PRKCZ: variants seen among roughly 807,000 people sequenced by gnomAD.
PRKCZ encodes protein kinase C zeta, also known as protein kinase C zeta type.
Under a neutral mutation model 79.5 loss-of-function variants are expected in PRKCZ, and 33 were observed. That is an observed-to-expected ratio of 0.41 (90% CI 0.31 to 0.55). The LOEUF (loss-of-function observed/expected upper bound fraction) is 0.55. PRKCZ is among the 20% of genes least tolerant of loss of function. PRKCZ has a pLI of 0.19. For synonymous variants in PRKCZ, 342 were observed against 320.9 expected, an observed-to-expected ratio of 1.07 and a Z score of -0.70; for missense variants, 578 against 813.5, an observed-to-expected ratio of 0.71 and a Z score of 3.52.
intron 10 of PRKCZ, 113 bp downstream of exon 10, chr1:2,156,205 G>A (rs887993473): frequency 3.0e-6 from 3 of 1,002,666 alleles, no homozygotes; most frequent in African/African-American, 1.6e-5. Context: ...CCCAGTTGCT[G>A]TACGGGTGTT....
chr1:2,071,613 A>G (rs540964665), intron 4 of PRKCZ: 2 of 198,040 alleles, frequency 1.0e-5, no homozygotes, highest in Admixed American at 1.2e-4. Flanking sequence ...TAAAATTGGC[A>G]ATTTGCCTGC....
intron 6 of PRKCZ, chr1:2,145,080 CAG>C (rs1678220512): frequency 6.6e-6 from 1 of 152,326 alleles, no homozygotes; most frequent in African/African-American, 2.4e-5. Context: ...GAGTCTGGAT[CAG>C]GGTGTCACCC....
At chr1:2,135,084 C>A (rs899289522) in intron 4 of PRKCZ, 178 bp from the exon 5 acceptor site, 6 of 547,624 alleles carry the variant, frequency 1.1e-5, no homozygotes, top group Non-Finnish European at 2.0e-5. Flanking sequence ...CCATGAGGAT[C>A]ATGTGAGGAG....
chr1:2,146,255 G>A, intron 7 of PRKCZ, 147 bp downstream of exon 7: 1 of 757,504 alleles, frequency 1.3e-6, no homozygotes, highest in Non-Finnish European at 2.2e-6. Flanking sequence ...CCTGGGGCTG[G>A]GGATGAGGCT....
chr1:2,084,339 G>A (rs1273798817), intron 4 of PRKCZ, among the ~76,000 whole-genome samples: 1 of 152,194 alleles, frequency 6.6e-6, no homozygotes, highest in Non-Finnish European at 1.5e-5. Context: ...TTCCCCCCAC[G>A]CTCATGAGGG....
In PRKCZ at chr1:2,127,262, A is replaced by T. The variant is rs1253935866; in HGVS notation, c.335-8000A>T. On this transcript the variant is annotated intron_variant, in intron 4 of 17. Coordinates refer to ENST00000378567, the MANE Select transcript of PRKCZ (RefSeq NM_002744.6). This position sits in a 1 kb window ranked among gnomAD's most constrained non-coding sequence, Gnocchi z 5.1. ...GTGACTTTAGTGTTATTCTTCAGTC[A>T]CCTTTAAAAGCATAGCATGTTTTCA... 1.3e-5 allele frequency among the ~76,000 whole-genome samples: 2 copies of T among 152,170 alleles called. No individual in the cohort carries two copies. The highest frequency in any genetic ancestry group is 2.4e-5 in the African/African-American group (1 of 41,436).
At chr1:2,050,941 GCTC>G (rs981779481) in intron 1 of PRKCZ, 7 of 371,982 alleles carry the variant, frequency 1.9e-5, no homozygotes, top group Non-Finnish European at 3.3e-5. Context: ...CGCGCCGCGA[GCTC>G]CTCGGCCCGG....
intron 6 of PRKCZ, among the ~76,000 whole-genome samples, chr1:2,145,683 G>T (rs1040128724): frequency 6.6e-6 from 1 of 152,174 alleles, no homozygotes; most frequent in Non-Finnish European, 1.5e-5. Context: ...GGAGGCCAAG[G>T]TGGGAAGATC....
intron 4 of PRKCZ, among the ~76,000 whole-genome samples, chr1:2,095,564 C>T (rs147636710): frequency 8.5e-5 from 13 of 152,160 alleles, no homozygotes; most frequent in African/African-American, 2.2e-4. Flanking sequence ...GGGGAGGATT[C>T]GCGCTTTGCG....
chr1:2,128,370 C>T lies in PRKCZ; in HGVS notation c.335-6892C>T, dbSNP rs954871835. Among the ~76,000 whole-genome samples the T allele has an allele frequency of 3.3e-5, 5 of 152,234 alleles. No homozygotes were observed. The East Asian group carries it at 5.8e-4, about 18-fold the overall frequency. ...GCCCCCTGACCTGCTGCCAGGGACT[C>T]GGCCCCTCCCTCACCGCCACCGCAC... is the stretch of plus-strand genomic sequence containing the variant. On this transcript the variant is annotated intron_variant, in intron 4 of 17. Coordinates refer to ENST00000378567, the MANE Select transcript of PRKCZ (RefSeq NM_002744.6). The surrounding 1 kb of genome is among the most constrained non-coding windows in gnomAD (Gnocchi z 6.5).
At position 2,094,266 on chromosome 1, in the gene PRKCZ, C is replaced by G. The variant is rs1443069295; in HGVS notation, c.334+34675C>G. 1.3e-5 allele frequency among the ~76,000 whole-genome samples: 2 copies of G among 152,156 alleles called. No homozygotes were observed. Among genetic ancestry groups the G allele is most frequent in the African/African-American group, 4.8e-5 (2 of 41,396 alleles). On this transcript the variant is annotated intron_variant, in intron 4 of 17. Coordinates refer to ENST00000378567, the MANE Select transcript of PRKCZ (RefSeq NM_002744.6). The surrounding 1 kb of genome is among the most constrained non-coding windows in gnomAD (Gnocchi z 7.3). ...TGCCAAGCCTGGTGACCCGAGGGTA[C>G]CCTCGGCCTCCCGGCCTGAACTCTT... is the stretch of plus-strand genomic sequence containing the variant.
chr1:2,122,826 C>T lies in PRKCZ; in HGVS notation c.335-12436C>T, dbSNP rs1379694445. Among the ~76,000 whole-genome samples the T allele has an allele frequency of 6.3e-4, 5 of 7,962 alleles. 2 individuals are homozygous for T. Among genetic ancestry groups the T allele is most frequent in the Non-Finnish European group, 8.9e-4 (4 of 4,480 alleles). The allele number at this position is 7,962 out of a possible 152,430, so 5.2% of individuals were successfully genotyped here. On this transcript the variant is annotated intron_variant, in intron 4 of 17. Transcript: ENST00000378567. Reference sequence around the variant, plus strand: ...TTAGGGTCGTGGCGGTGGTTAGGGTCGTGGCGGTGGTTAGGGTTGTGGTGG... The same window carrying T: ...TTAGGGTCGTGGCGGTGGTTAGGGTTGTGGCGGTGGTTAGGGTTGTGGTGG...
chr1:2,135,387 T>A, intron 5 of PRKCZ, 40 bp downstream of exon 5: 2 of 1,530,864 alleles, frequency 1.3e-6, no homozygotes, highest in Non-Finnish European at 1.8e-6. Flanking sequence ...AAGGGGCCTT[T>A]TGTTACTTTT....
chr1:2,086,547 G>A (rs1176190218), intron 4 of PRKCZ, among the ~76,000 whole-genome samples: 1 of 152,216 alleles, frequency 6.6e-6, no homozygotes. Flanking sequence ...CGGGCAGCAG[G>A]CTCTGGCATC....
chr1:2,060,100 G>T (rs184846310), intron 4 of PRKCZ, among the ~76,000 whole-genome samples: 1 of 152,362 alleles, frequency 6.6e-6, no homozygotes, highest in Non-Finnish European at 1.5e-5. Context: ...GTTGGGCCCT[G>T]AGCAGGTGGC....
chr1:2,178,981 C>T lies in PRKCZ; in HGVS notation c.1575+3668C>T, dbSNP rs965246378. ...GCTGAACCAGCACCACTCAGGCAGT[C>T]GCCGCCACTGGGGTGTGACTCTGGG... On this transcript the variant is annotated intron_variant, in intron 16 of 17. Transcript: ENST00000378567. This position sits in a 1 kb window ranked among gnomAD's most constrained non-coding sequence, Gnocchi z 4.3. 1.2e-4 allele frequency among the ~76,000 whole-genome samples: 19 copies of T among 152,224 alleles called. No individual in the cohort carries two copies. The highest frequency in any genetic ancestry group is 1.2e-3 in the Admixed American group (18 of 15,286).
rs74944936 is a variant in PRKCZ at position 2,057,690 on chromosome 1, A to AC, written c.283+1125dup. ...AGACCAACCTGGGCAACATAGTGAG[A>AC]CCCCCCCCTCTCCAAAACTTGTTTT... On this transcript the variant is annotated intron_variant, in intron 3 of 17. Transcript: ENST00000378567. Among the ~76,000 whole-genome samples the AC allele has an allele frequency of 0.034, 5,068 of 150,350 alleles. 571 individuals are homozygous for AC. In the East Asian group the frequency reaches 0.42, roughly 13 times the overall value.
At chr1:2,051,320 G>A (rs1053194905) in intron 1 of PRKCZ, among the ~76,000 whole-genome samples, 4 of 152,220 alleles carry the variant, frequency 2.6e-5, no homozygotes, top group Admixed American at 1.3e-4. Flanking sequence ...GAGCGGAGGG[G>A]TCCTGGACTC....
At chr1:2,088,565 C>T (rs79953122) in intron 4 of PRKCZ, among the ~76,000 whole-genome samples, 3,136 of 152,322 alleles carry the variant, frequency 0.021, 46 homozygotes, top group Middle Eastern at 0.034. Flanking sequence ...GAGCGGCTTC[C>T]GGAGGTCCCA....
Sources: allele counts gnomAD v4.1 joint callset (sites outside exome capture counted in the v4.1 genomes callset), GRCh38; gene constraint gnomAD v4.1.1; non-coding constraint Gnocchi (gnomAD v3.1); transcripts MANE v1.5; gene names NCBI Gene and HGNC (gene_info 2026-07-23, HGNC 2026-07-21).